Variants in SLC5A7 observed in about 807,000 individuals in gnomAD.
The protein encoded by SLC5A7 is high affinity choline transporter 1.
A neutral mutation model predicts 55.4 loss-of-function variants in SLC5A7; 19 were observed. The ratio of observed to expected loss-of-function variants is 0.34; its 90% CI spans 0.24 to 0.50. The LOEUF is 0.50. Ranked by LOEUF, SLC5A7 falls within the 20% of genes least tolerant of loss-of-function variation. The pLI is 0.98. For synonymous variants in SLC5A7, 265 were observed against 263.7 expected (o/e 1.00, Z -0.05); for missense variants, 506 against 705.3 (o/e 0.72, Z 3.20).
At chr2:107,992,854 T>A (rs148740548) in intron 3 of SLC5A7, 118 bp from the exon 4 acceptor site, 381 of 1,051,844 alleles carry the variant, frequency 3.6e-4, no homozygotes, top group Non-Finnish European at 4.9e-4. Context: ...TGCAGACTTG[T>A]TCCTCAATCC....
At position 107,998,022 on chromosome 2, in the gene SLC5A7, T is replaced by C; in HGVS notation, c.597+36T>C. 2.5e-6 allele frequency: 4 copies of C among 1,588,350 alleles called. No homozygotes were observed. In the South Asian group the frequency reaches 4.6e-5, roughly 18 times the overall value. On this transcript the variant is annotated intron_variant, in intron 5 of 8. Transcript: ENST00000264047. Reference sequence around the variant, plus strand: ...GCACCCAAGATTCTCCTCCTTTTTTTCTGTAAAAGGTAATGTATTTTATAC... The same window carrying C: ...GCACCCAAGATTCTCCTCCTTTTTTCCTGTAAAAGGTAATGTATTTTATAC...
chr2:107,992,926 T>C (rs546763004), intron 3 of SLC5A7, 46 bp from the exon 4 acceptor site: 15 of 1,598,580 alleles, frequency 9.4e-6, no homozygotes, highest in African/African-American at 2.7e-5. Flanking sequence ...AAGACTATTA[T>C]ATTACATTCT....
intron 5 of SLC5A7, among the ~76,000 whole-genome samples, chr2:107,999,995 C>G (rs889975046): frequency 1.3e-5 from 2 of 152,168 alleles, no homozygotes; most frequent in Admixed American, 1.3e-4. Flanking sequence ...CTTTTTAAGA[C>G]TTAAAAGAAT....
chr2:107,997,884 C>G lies in SLC5A7; in HGVS notation c.495C>G (p.Val165=). The G allele has an allele frequency of 6.2e-7, 1 of 1,612,916 alleles. No individual in the cohort carries two copies. Among genetic ancestry groups the G allele is most frequent in the Non-Finnish European group, 8.5e-7 (1 of 1,179,302 alleles). Residue 165 remains valine (V), a synonymous_variant, in exon 5 of 9, where the codon GTC becomes GTG. Transcript: ENST00000264047. The part of the protein sequence containing the change: ...VIIDVDMHIS[V]IISALIATLY... ...TCGATGTGGATATGCACATTTCTGT[C>G]ATCATCTCTGCACTCATTGCCACTC...
At chr2:108,009,637 G>A (rs887792989) in intron 8 of SLC5A7, among the ~76,000 whole-genome samples, 1 of 152,154 alleles carries the variant, frequency 6.6e-6, no homozygotes, top group Non-Finnish European at 1.5e-5. Context: ...GCAAAGGAAT[G>A]ATCTTATTCC....
chr2:107,987,079 C>T (rs529873681), intron 1 of SLC5A7, among the ~76,000 whole-genome samples: 92 of 152,188 alleles, frequency 6.0e-4, no homozygotes, highest in Non-Finnish European at 1.0e-3. Flanking sequence ...GCTTCTTTTG[C>T]CTCCTTTAAA....
In SLC5A7 at chr2:108,013,457, A is replaced by G. The variant is rs775862342; in HGVS notation, c.*2596A>G. On this transcript the variant is annotated 3_prime_UTR_variant, in exon 9 of 9. Transcript: ENST00000264047. Reference sequence around the variant, plus strand: ...TTTACTTATGCACATTTGTGCATAAATTTCCACCCAATTTCCAAGACAGTT... The same window carrying G: ...TTTACTTATGCACATTTGTGCATAAGTTTCCACCCAATTTCCAAGACAGTT... 2 of 152,120 alleles carry G rather than the reference A, an allele frequency of 1.3e-5. No homozygotes were observed. The highest frequency in any genetic ancestry group is 2.4e-5 in the African/African-American group (1 of 41,450). 9.4% of individuals were successfully genotyped at this position (152,120 alleles called of 1,614,324 possible).
chr2:107,990,972 C>T (rs1179607854), intron 2 of SLC5A7, among the ~76,000 whole-genome samples: 1 of 152,178 alleles, frequency 6.6e-6, no homozygotes, highest in African/African-American at 2.4e-5. Context: ...CATAACTTTA[C>T]ACAAATTCTG....
intron 6 of SLC5A7, 101 bp from the exon 7 acceptor site, chr2:108,005,948 C>A: frequency 1.4e-6 from 2 of 1,428,790 alleles, no homozygotes; most frequent in Non-Finnish European, 9.5e-7. Flanking sequence ...TTTTTTACTA[C>A]TTCTAAGTTG....
At position 108,012,242 on chromosome 2, in the gene SLC5A7, T is replaced by C. The variant is rs945634287; in HGVS notation, c.*1381T>C. ...CAAGTGTTTTCACACCAGTCACACA[T>C]TATAGAAATTACTGGAGCCATGTCT... On this transcript the variant is annotated 3_prime_UTR_variant, in exon 9 of 9. Coordinates refer to ENST00000264047, the MANE Select transcript of SLC5A7 (RefSeq NM_021815.5). 2.0e-5 allele frequency: 3 copies of C among 152,122 alleles called. No homozygotes were observed. The highest frequency in any genetic ancestry group is 4.4e-5 in the Non-Finnish European group (3 of 68,002). 9.4% of individuals were successfully genotyped at this position (152,122 alleles called of 1,614,324 possible). A position where few individuals can be genotyped will look rare whatever the true frequency, so the allele number is the denominator to read the frequency against.
chr2:108,010,777 C>T lies in SLC5A7; in HGVS notation c.1659C>T (p.Leu553=), dbSNP rs2104384314. 6 of 1,613,558 alleles carry T rather than the reference C, an allele frequency of 3.7e-6. No homozygotes were observed. Among genetic ancestry groups the T allele is most frequent in the Non-Finnish European group, 5.1e-6 (6 of 1,179,840 alleles). The part of the protein sequence containing the change: ...ALVKPRQSMT[L]SSTFTNKEAF... ...TGAAGCCACGACAGAGCATGACCCT[C>T]AGCTCAACTTTCACCAATAAAGAGG... Residue 553 remains leucine, a synonymous_variant, in exon 9 of 9, where the codon CTC becomes CTT. Transcript: ENST00000264047.
At chr2:107,988,876 T>C (rs1175950708) in intron 2 of SLC5A7, among the ~76,000 whole-genome samples, 2 of 152,194 alleles carry the variant, frequency 1.3e-5, no homozygotes, top group Admixed American at 6.5e-5. Flanking sequence ...ATTTAATAAC[T>C]AATTCCTCAC....
In SLC5A7 at chr2:108,012,497, T is replaced by C. The variant is rs1358264458; in HGVS notation, c.*1636T>C. ...GTAATTGTCTCAAAGCATCAAATAATACATCTTTATCATTAAACATGAATT... is the reference window on the plus strand; with the variant it reads ...GTAATTGTCTCAAAGCATCAAATAACACATCTTTATCATTAAACATGAATT... On this transcript the variant is annotated 3_prime_UTR_variant, in exon 9 of 9. Coordinates refer to ENST00000264047, the MANE Select transcript of SLC5A7 (RefSeq NM_021815.5). The C allele has an allele frequency of 6.6e-6, 1 of 152,158 alleles. No individual in the cohort carries two copies. Among genetic ancestry groups the C allele is most frequent in the East Asian group, 1.9e-4 (1 of 5,186 alleles). The allele number at this position is 152,158 out of a possible 1,614,324, so 9.4% of individuals were successfully genotyped here.
chr2:108,002,879 A>T (rs1417006055), intron 6 of SLC5A7, among the ~76,000 whole-genome samples: 2 of 152,172 alleles, frequency 1.3e-5, no homozygotes, highest in East Asian at 3.9e-4. Flanking sequence ...TTAAAAAAAG[A>T]AATAGATTAC....
rs1350329360 is a variant in SLC5A7, at chr2:108,012,155, A to C, written c.*1294A>C. 1 of 152,074 alleles carries C rather than the reference A, an allele frequency of 6.6e-6. No individual in the cohort carries two copies. Among genetic ancestry groups the C allele is most frequent in the Non-Finnish European group, 1.5e-5 (1 of 67,924 alleles). 9.4% of individuals were successfully genotyped at this position (152,074 alleles called of 1,614,324 possible). A position where few individuals can be genotyped will look rare whatever the true frequency, so the allele number is the denominator to read the frequency against. The stretch of plus-strand genomic sequence containing the variant: ...GCTCCTTTTCTGGTGTTACACATAC[A>C]CACTCATACGTGTGTGTGTGTGTAT... On this transcript the variant is annotated 3_prime_UTR_variant, in exon 9 of 9. Transcript: ENST00000264047.
intron 6 of SLC5A7, among the ~76,000 whole-genome samples, chr2:108,005,530 T>C (rs1678073974): frequency 6.6e-6 from 1 of 152,224 alleles, no homozygotes; most frequent in African/African-American, 2.4e-5. Context: ...CAGGAAATTC[T>C]GCATAATTGA....
intron 6 of SLC5A7, 102 bp from the exon 7 acceptor site, chr2:108,005,947 A>T: frequency 2.9e-6 from 4 of 1,395,916 alleles, no homozygotes; most frequent in Admixed American, 2.4e-5. Flanking sequence ...TTTTTTTACT[A>T]CTTCTAAGTT....
chr2:107,996,831 T>C lies in SLC5A7; in HGVS notation c.449-1007T>C, dbSNP rs116932619. Among the ~76,000 whole-genome samples, 158 of 152,304 alleles carry C rather than the reference T, an allele frequency of 1.0e-3. 1 individual carries two copies. In the East Asian group the frequency reaches 0.027, roughly 26 times the overall value. On this transcript the variant is annotated intron_variant, in intron 4 of 8. Transcript: ENST00000264047. ...ATGAAAATTACTTAAAAATATGATATTCAAATCTTAGGCTCTTCAGTATAC... is the reference window on the plus strand; with the variant it reads ...ATGAAAATTACTTAAAAATATGATACTCAAATCTTAGGCTCTTCAGTATAC...
At position 108,008,591 on chromosome 2, in the gene SLC5A7, C is replaced by T; in HGVS notation, c.1022C>T (p.Ser341Phe). Residue 341 changes from serine (S) to phenylalanine (F), a missense_variant, in exon 8 of 9, where the codon TCT becomes TTT. Ser to Phe is a radical substitution (Grantham distance 155). Transcript: ENST00000264047. ...YISFFGLGAV[S>F]AAVMSSADSS... ...TCTTTCTTTGGTCTTGGTGCAGTTT[C>T]TGCTGCTGTTATGTCATCAGCAGAT... 1 of 1,613,526 alleles carries T rather than the reference C, an allele frequency of 6.2e-7. No homozygotes were observed. Among genetic ancestry groups the T allele is most frequent in the Non-Finnish European group, 8.5e-7 (1 of 1,179,824 alleles).
Sources: allele counts gnomAD v4.1 joint callset (sites outside exome capture counted in the v4.1 genomes callset), GRCh38; gene constraint gnomAD v4.1.1; transcripts MANE v1.5; gene names NCBI Gene and HGNC (gene_info 2026-07-23, HGNC 2026-07-21).